PGM5: variants seen among roughly 807,000 people sequenced by gnomAD.
PGM5 encodes the protein phosphoglucomutase 5.
In PGM5, 23 loss-of-function variants were observed where a neutral mutation model predicts 59.2. The observed-to-expected ratio is 0.39, with a 90% CI of 0.28 to 0.55. PGM5 has a LOEUF of 0.55. Among genes scored for constraint, PGM5 ranks in the 20% least tolerant of loss-of-function variants. PGM5 has a pLI of 0.66. For synonymous variants in PGM5, 214 were observed against 286.0 expected (o/e 0.75, Z 2.54); for missense variants, 574 against 748.3 (o/e 0.77, Z 2.72).
intron 9 of PGM5, among the ~76,000 whole-genome samples, chr9:68,490,384 G>A (rs1232033062): frequency 6.6e-6 from 1 of 152,192 alleles, no homozygotes; most frequent in African/African-American, 2.4e-5. Flanking sequence ...GTCTCGCTCT[G>A]TCACCAGGCT....
intron 1 of PGM5, among the ~76,000 whole-genome samples, chr9:68,358,272 C>A (rs2262161): frequency 0.01 from 1,468 of 145,414 alleles, 23 homozygotes; most frequent in African/African-American, 0.035. Context: ...TCTCCCACGA[C>A]CTCGGTAGTC....
chr9:68,376,324 A>C (rs1383934243), intron 1 of PGM5, among the ~76,000 whole-genome samples: 3 of 152,162 alleles, frequency 2.0e-5, no homozygotes, highest in African/African-American at 4.8e-5. Context: ...CTATTATAGC[A>C]GTCTAATTCC....
intron 10 of PGM5, among the ~76,000 whole-genome samples, chr9:68,524,393 T>C (rs565235355): frequency 6.6e-6 from 1 of 152,302 alleles, no homozygotes; most frequent in East Asian, 1.9e-4. Flanking sequence ...CTTGAAAGGA[T>C]GCAAGGCCTG....
At chr9:68,434,713 GA>G in intron 6 of PGM5, among the ~76,000 whole-genome samples, 1 of 151,956 alleles carries the variant, frequency 6.6e-6, no homozygotes, top group Admixed American at 6.5e-5. Flanking sequence ...GGCTGAGGCA[GA>G]AGAATCGCTT....
chr9:68,469,834 G>T (rs1477654878), intron 7 of PGM5, among the ~76,000 whole-genome samples: 1 of 152,166 alleles, frequency 6.6e-6, no homozygotes, highest in African/African-American at 2.4e-5. Flanking sequence ...TGGGTGGAAG[G>T]AAAGTACAAA....
intron 6 of PGM5, chr9:68,406,105 T>C (rs1158856693): frequency 6.6e-6 from 1 of 152,102 alleles, no homozygotes; most frequent in Non-Finnish European, 1.5e-5. Context: ...ATGTACGAAG[T>C]GGGACATGGA....
In PGM5 at chr9:68,459,845, AT is replaced by A. The variant is rs1464983794; in HGVS notation, c.1044-5241del. 2.6e-5 allele frequency among the ~76,000 whole-genome samples: 4 copies of A among 152,014 alleles called. No individual in the cohort carries two copies. The South Asian group carries it at 6.2e-4, about 24-fold the overall frequency. On this transcript the variant is annotated intron_variant, in intron 6 of 10. Coordinates refer to ENST00000396396, the MANE Select transcript of PGM5 (RefSeq NM_021965.4). The stretch of plus-strand genomic sequence containing the variant: ...AAGTGCCTGTTCAAAACTTTTGCCT[AT>A]TTTTTTAAGGTTATCTGCCTTTAAA...
intron 9 of PGM5, chr9:68,497,720 A>T (rs561012974): frequency 6.6e-6 from 1 of 152,368 alleles, no homozygotes; most frequent in South Asian, 2.1e-4. Flanking sequence ...CTCCTGAGAC[A>T]TAGAAGTTTT....
At chr9:68,498,684 G>A (rs1171115581) in intron 9 of PGM5, 1 of 152,794 alleles carries the variant, frequency 6.5e-6, no homozygotes, top group East Asian at 1.9e-4. Flanking sequence ...AGAGCCAAGA[G>A]GATGGCAGTG....
chr9:68,474,008 C>T (rs1824063873), intron 7 of PGM5, among the ~76,000 whole-genome samples: 1 of 151,992 alleles, frequency 6.6e-6, no homozygotes, highest in Admixed American at 6.6e-5. Context: ...GCATTCTGCC[C>T]CAAACATGAG....
At chr9:68,426,862 C>G (rs1823247736) in intron 6 of PGM5, 1 of 152,186 alleles carries the variant, frequency 6.6e-6, no homozygotes, top group Non-Finnish European at 1.5e-5. Context: ...GAACCACTGG[C>G]CTGTGAGGCC....
intron 10 of PGM5, among the ~76,000 whole-genome samples, chr9:68,508,596 A>G (rs1450939572): frequency 6.6e-6 from 1 of 152,258 alleles, no homozygotes; most frequent in Non-Finnish European, 1.5e-5. Flanking sequence ...AGTGATGTTT[A>G]TATCCACAAA....
chr9:68,499,170 A>T, intron 9 of PGM5, 57 bp from the exon 10 acceptor site: 2 of 1,584,768 alleles, frequency 1.3e-6, no homozygotes, highest in South Asian at 2.2e-5. Flanking sequence ...GGTATTAATG[A>T]TTATTACTTG....
At chr9:68,441,100 A>C (rs1317674180) in intron 6 of PGM5, among the ~76,000 whole-genome samples, 2 of 152,052 alleles carry the variant, frequency 1.3e-5, no homozygotes, top group East Asian at 3.8e-4. Flanking sequence ...ATCAACACTC[A>C]CCCAACATGA....
chr9:68,400,273 T>C (rs538113601), intron 6 of PGM5, among the ~76,000 whole-genome samples: 5 of 152,274 alleles, frequency 3.3e-5, no homozygotes, highest in African/African-American at 1.2e-4. Context: ...CTCCTGATTA[T>C]AGAACACGCA....
At chr9:68,470,577 T>C (rs1824003085) in intron 7 of PGM5, among the ~76,000 whole-genome samples, 1 of 152,250 alleles carries the variant, frequency 6.6e-6, no homozygotes, top group African/African-American at 2.4e-5. Flanking sequence ...AAAGGTAAAA[T>C]ATAGGAAAAC....
intron 6 of PGM5, among the ~76,000 whole-genome samples, chr9:68,418,756 T>A (rs1823079369): frequency 6.6e-6 from 1 of 151,890 alleles, no homozygotes. Flanking sequence ...GATGAACAGC[T>A]CCCTTGTCAA....
At chr9:68,455,953 A>C (rs1290846718) in intron 6 of PGM5, among the ~76,000 whole-genome samples, 4 of 152,242 alleles carry the variant, frequency 2.6e-5, no homozygotes, top group Non-Finnish European at 5.9e-5. Context: ...GTGGCCTTGG[A>C]CTATGGCTGT....
At chr9:68,443,863 T>C (rs1823568967) in intron 6 of PGM5, among the ~76,000 whole-genome samples, 2 of 152,196 alleles carry the variant, frequency 1.3e-5, no homozygotes, top group African/African-American at 4.8e-5. Flanking sequence ...TCCTATTATG[T>C]GGAAATTGCA....
Sources: gnomAD v4.1 joint callset for allele counts (sites outside exome capture counted in the v4.1 genomes callset) on GRCh38, gnomAD v4.1.1 for gene constraint, MANE v1.5 for transcripts, NCBI Gene and HGNC (gene_info 2026-07-23, HGNC 2026-07-21) for gene names.